TAF6: variants seen among roughly 807,000 people sequenced by gnomAD.
TAF6 encodes the protein TATA-box binding protein associated factor 6.
A neutral mutation model predicts 73.5 loss-of-function variants in TAF6; 50 were observed. The ratio of observed to expected loss-of-function variants is 0.68; its 90% CI spans 0.54 to 0.86. The LOEUF (loss-of-function observed/expected upper bound fraction) is 0.86. Among genes scored for constraint, TAF6 ranks in the 40% least tolerant of loss-of-function variants. The probability of loss-of-function intolerance (pLI) is 0.00; values close to 1 mark genes in which losing one functional copy is unlikely to be tolerated. For synonymous variants in TAF6, 424 were observed against 376.7 expected, an observed-to-expected ratio of 1.13 and a Z score of -1.45; for missense variants, 768 against 899.5, an observed-to-expected ratio of 0.85 and a Z score of 1.87.
At chr7:100,124,957 C>T in the TAF6 span, 58 of 1,499,316 alleles carry the variant, frequency 3.9e-5, no homozygotes, top group Non-Finnish European at 8.9e-6. Flanking sequence ...ACTCTCCCTG[C>T]TCCACAGCTT....
upstream of TAF6, chr7:100,122,307 GTCGATC>G: frequency 6.2e-7 from 1 of 1,614,130 alleles, no homozygotes; most frequent in Non-Finnish European, 8.5e-7. Flanking sequence ...AGTCGCACCG[GTCGATC>G]TCGAGAGGTG....
chr7:100,111,917 C>G lies in TAF6; in HGVS notation c.798+5G>C. The G allele has an allele frequency of 1.9e-6, 3 of 1,614,118 alleles. No individual in the cohort carries two copies. The highest frequency in any genetic ancestry group is 2.5e-6 in the Non-Finnish European group (3 of 1,180,014). Reference sequence around the variant, plus strand: ...TCCCTGCACTGTGGAACCTCATGCTCTCACCCCCTCCGAGATAAAGGTACT... The same window carrying G: ...TCCCTGCACTGTGGAACCTCATGCTGTCACCCCCTCCGAGATAAAGGTACT... On this transcript the variant is annotated splice_donor_5th_base_variant and intron_variant, in intron 8 of 14. Transcript: ENST00000453269.
chr7:100,127,087 T>G, the TAF6 span: 7 of 368,756 alleles, frequency 1.9e-5, no homozygotes, highest in East Asian at 5.0e-5. The surrounding 1 kb of genome is among the most constrained non-coding windows in gnomAD (Gnocchi z 4.6). Context: ...TAGGATTCGA[T>G]GGAGGGAAAC....
upstream of TAF6, chr7:100,122,553 C>A (rs1342308918): frequency 1.2e-6 from 2 of 1,611,970 alleles, no homozygotes; most frequent in Non-Finnish European, 1.7e-6. Context: ...ACGCTGAGCG[C>A]AAGGGCTCAC....
chr7:100,119,267 C>T lies in TAF6; in HGVS notation c.-123G>A. The T allele has an allele frequency of 4.9e-6, 5 of 1,027,208 alleles. No individual in the cohort carries two copies. The highest frequency in any genetic ancestry group is 4.7e-6 in the Non-Finnish European group (4 of 853,406). The allele number at this position is 1,027,208 out of a possible 1,614,324, so 63.6% of individuals were successfully genotyped here. A position where few individuals can be genotyped will look rare whatever the true frequency, so the allele number is the denominator to read the frequency against. On this transcript the variant is annotated 5_prime_UTR_variant, in exon 1 of 15. Coordinates refer to ENST00000453269, the MANE Select transcript of TAF6 (RefSeq NM_139315.3). ...TCTCCTCCGGGGTACCACTCAGACCCGCCCCCGCCACCCGAGCGCGGGGAG... is the reference window on the plus strand; with the variant it reads ...TCTCCTCCGGGGTACCACTCAGACCTGCCCCCGCCACCCGAGCGCGGGGAG...
chr7:100,117,076 T>A (rs1337972774), intron 1 of TAF6, among the ~76,000 whole-genome samples: 2 of 151,914 alleles, frequency 1.3e-5, no homozygotes, highest in African/African-American at 4.8e-5. Context: ...TTAAACCCCA[T>A]CTCTACTAAA....
In TAF6 at chr7:100,114,071, T is replaced by A. The variant is rs781250796; in HGVS notation, c.139A>T (p.Ile47Phe). 1 of 1,614,196 alleles carries A rather than the reference T, an allele frequency of 6.2e-7. No homozygotes were observed. Among genetic ancestry groups the A allele is most frequent in the Non-Finnish European group, 8.5e-7 (1 of 1,180,032 alleles). Residue 47 changes from isoleucine (I) to phenylalanine (F), a missense_variant, in exon 2 of 15, where the codon ATC (isoleucine) becomes TTC (phenylalanine). This residue lies in a region of TAF6 where 269 missense variants were observed against 268.0 expected (regional missense o/e 1.00). Transcript: ENST00000453269. Reference protein sequence around the residue: ...QLLTDEVSYRIKEIAQDALKF... With the variant: ...QLLTDEVSYRFKEIAQDALKF... Reference sequence around the variant, plus strand: ...CGGGTCACCTGTGCGATCTCTTTGATGCGGTAGCTGACCTCATCCGTTAGC... The same window carrying A: ...CGGGTCACCTGTGCGATCTCTTTGAAGCGGTAGCTGACCTCATCCGTTAGC...
At chr7:100,121,112 A>ATTTTTTTTTTT (rs1798040006), upstream of TAF6, 8 of 30,714 alleles carry the variant, frequency 2.6e-4, no homozygotes, top group Non-Finnish European at 4.1e-4. Context: ...ATATATATAT[A>ATTTTTTTTTTT]TATATTTTTT....
the TAF6 span, chr7:100,126,760 G>A: frequency 1.3e-5 from 2 of 152,606 alleles, no homozygotes; most frequent in East Asian, 3.8e-4. Context: ...AGTGAGGTAT[G>A]ATCGCGCCAC....
Position 100,108,429 on chromosome 7 carries a change from C to A in TAF6, c.1396G>T (p.Ala466Ser), listed in dbSNP as rs144875978. 4,205 of 1,613,868 alleles carry A rather than the reference C, an allele frequency of 2.6e-3. 11 individuals are homozygous for A. Among genetic ancestry groups the A allele is most frequent in the Non-Finnish European group, 3.3e-3 (3,930 of 1,179,812 alleles). Reference sequence around the variant, plus strand: ...GCCTGCAGAGCAGCCTGGGCCCGAGCCTTGACCACCTGGGAGCAGAGGAGG... The same window carrying A: ...GCCTGCAGAGCAGCCTGGGCCCGAGACTTGACCACCTGGGAGCAGAGGAGG... Reference protein sequence around the residue: ...GPLLCSQVVKARAQAALQAQQ... With the variant: ...GPLLCSQVVKSRAQAALQAQQ... The change falls in exon 13 of 15, where the codon GCT (alanine) becomes TCT (serine). Residue 466 changes from alanine (A) to serine (S), a missense_variant. By Grantham distance (99) the Ala-to-Ser change is moderately conservative. Around this residue, in one of 5 missense-constraint regions of TAF6, gnomAD observed 350 missense variants for 352.3 expected, o/e 0.99. Transcript: ENST00000453269.
At chr7:100,109,679 A>G (rs780521537) in intron 12 of TAF6, among the ~76,000 whole-genome samples, 6 of 150,526 alleles carry the variant, frequency 4.0e-5, no homozygotes, top group Non-Finnish European at 8.9e-5. Flanking sequence ...TTTTTTTTGC[A>G]GGTGGGATCT....
At chr7:100,122,269 G>A, upstream of TAF6, 1 of 1,613,642 alleles carries the variant, frequency 6.2e-7, no homozygotes, top group South Asian at 1.1e-5. Context: ...TGTGTAAGCT[G>A]CTGAGCACAG....
chr7:100,112,313 A>G, intron 6 of TAF6, 60 bp from the exon 7 acceptor site: 1 of 1,574,734 alleles, frequency 6.4e-7, no homozygotes. Flanking sequence ...TCAGTAACAG[A>G]AGAACCTTAA....
At chr7:100,124,524 T>C (rs768459443), upstream of TAF6, 2 of 1,611,684 alleles carry the variant, frequency 1.2e-6, no homozygotes, top group Admixed American at 1.7e-5. Flanking sequence ...TGTGAGACCA[T>C]GTTGGAGGAG....
At chr7:100,117,234 G>A (rs1797740177) in intron 1 of TAF6, among the ~76,000 whole-genome samples, 2 of 150,126 alleles carry the variant, frequency 1.3e-5, no homozygotes, top group African/African-American at 4.9e-5. Context: ...AACAGAGTGA[G>A]ACCCCGTCTC....
At chr7:100,119,005 AG>A in intron 1 of TAF6, 198 bp downstream of exon 1, 1 of 985,502 alleles carries the variant, frequency 1.0e-6, no homozygotes, top group South Asian at 4.7e-5. Flanking sequence ...CTACAGTCAC[AG>A]GATCTCCTCA....
Position 100,110,028 on chromosome 7 carries a change from G to A in TAF6, c.1204C>T (p.Arg402Trp), listed in dbSNP as rs1189348515. Reference sequence around the variant, plus strand: ...GGGCCGTCCAGCACACTGCGGATCCGCTCCCCTTCCTGCTGCAGCCGGGGC... The same window carrying A: ...GGGCCGTCCAGCACACTGCGGATCCACTCCCCTTCCTGCTGCAGCCGGGGC... ...ILPRLQQEGE[R>W]IRSVLDGPVL... The change falls in exon 12 of 15, where the codon CGG becomes TGG. Residue 402 changes from arginine to tryptophan, a missense_variant. Coordinates refer to ENST00000453269, the MANE Select transcript of TAF6 (RefSeq NM_139315.3). 1.2e-5 allele frequency: 19 copies of A among 1,614,022 alleles called. No homozygotes were observed. The highest frequency in any genetic ancestry group is 3.3e-5 in the South Asian group (3 of 91,092).
chr7:100,122,126 G>A (rs1798091121), upstream of TAF6: 1 of 1,086,168 alleles, frequency 9.2e-7, no homozygotes, highest in Non-Finnish European at 1.3e-6. Flanking sequence ...AAATGGCTGA[G>A]CCAGGATTCC....
chr7:100,108,588 G>A (rs1796827826), intron 12 of TAF6, 48 bp from the exon 13 acceptor site: 5 of 1,552,362 alleles, frequency 3.2e-6, no homozygotes, highest in Non-Finnish European at 4.4e-6. Context: ...GGGGAAAAAA[G>A]CCAGGTAGAG....
Sources: allele counts gnomAD v4.1 joint callset (sites outside exome capture counted in the v4.1 genomes callset), GRCh38; gene constraint gnomAD v4.1.1; regional missense constraint gnomAD v4.1.1; non-coding constraint Gnocchi (gnomAD v3.1); transcripts MANE v1.5; gene names NCBI Gene and HGNC (gene_info 2026-07-23, HGNC 2026-07-21).